SNTG1: variants seen among roughly 807,000 people sequenced by gnomAD.
SNTG1 encodes syntrophin gamma 1, also known as gamma-1-syntrophin.
In SNTG1, 39 loss-of-function variants were observed where a neutral mutation model predicts 74.7. The ratio of observed to expected loss-of-function variants is 0.52; its 90% confidence interval spans 0.40 to 0.68. The LOEUF (loss-of-function observed/expected upper bound fraction) is 0.68. SNTG1 is among the 30% of genes least tolerant of loss of function. The pLI, the probability that SNTG1 is intolerant of heterozygous loss-of-function variation, is 0.00. For synonymous variants in SNTG1, 254 were observed against 217.1 expected (o/e 1.17, Z -1.49); for missense variants, 685 against 609.5 (o/e 1.12, Z -1.30).
chr8:50,544,248 A>ATT (rs1339550999), intron 11 of SNTG1, among the ~76,000 whole-genome samples: 2 of 152,090 alleles, frequency 1.3e-5, no homozygotes, highest in Non-Finnish European at 2.9e-5. Flanking sequence ...GTTTAACACA[A>ATT]TTTATATCAA....
chr8:49,967,328 G>A (rs1193626391), intron 1 of SNTG1, among the ~76,000 whole-genome samples: 1 of 152,128 alleles, frequency 6.6e-6, no homozygotes, highest in Admixed American at 6.6e-5. Context: ...CTGTTCTCAG[G>A]ATGGTGTTTT....
At chr8:50,279,755 T>C (rs1022286548) in intron 2 of SNTG1, among the ~76,000 whole-genome samples, 3 of 151,376 alleles carry the variant, frequency 2.0e-5, no homozygotes, top group South Asian at 2.1e-4. Flanking sequence ...ACTTTGACTT[T>C]GGGATTAAGT....
chr8:50,005,474 A>AG lies in SNTG1; in HGVS notation c.-103+93243_-103+93244insG, dbSNP rs1447483847. On this transcript the variant is annotated intron_variant, in intron 1 of 18. Coordinates refer to ENST00000642720, the MANE Select transcript of SNTG1 (RefSeq NM_018967.5). ...GACATAGTCTACAGGTATTACTGCA[A>AG]AAAAAAAATAATTGATCATTTAGTT... is the stretch of plus-strand genomic sequence containing the variant. Among the ~76,000 whole-genome samples the AG allele has an allele frequency of 2.4e-3, 369 of 151,476 alleles. 4 individuals are homozygous for AG. The highest frequency in any genetic ancestry group is 4.4e-3 in the Non-Finnish European group (300 of 67,774).
intron 1 of SNTG1, among the ~76,000 whole-genome samples, chr8:49,976,181 T>C (rs1563420326): frequency 6.6e-6 from 1 of 152,192 alleles, no homozygotes; most frequent in Non-Finnish European, 1.5e-5. Flanking sequence ...ATATCTTCTT[T>C]GAGAAAAGCA....
chr8:50,006,342 G>C (rs1256573633), intron 1 of SNTG1, among the ~76,000 whole-genome samples: 1 of 152,122 alleles, frequency 6.6e-6, no homozygotes, highest in African/African-American at 2.4e-5. Flanking sequence ...TGAAATTGCT[G>C]TTGAAACTTT....
At chr8:50,189,166 C>T (rs745971714) in intron 2 of SNTG1, among the ~76,000 whole-genome samples, 31 of 152,034 alleles carry the variant, frequency 2.0e-4, no homozygotes, top group African/African-American at 6.5e-4. Context: ...GCCACTGGGC[C>T]GTGGAAACTT....
chr8:50,388,267 C>T (rs1200853155), intron 2 of SNTG1, among the ~76,000 whole-genome samples: 1 of 152,156 alleles, frequency 6.6e-6, no homozygotes, highest in Non-Finnish European at 1.5e-5. Context: ...TTATTGCACT[C>T]ATTATTTGAC....
intron 18 of SNTG1, among the ~76,000 whole-genome samples, chr8:50,786,056 T>A (rs2095674206): frequency 6.6e-6 from 1 of 151,968 alleles, no homozygotes; most frequent in Admixed American, 6.6e-5. Context: ...CCTCCCCACT[T>A]TCATCAACCT....
At chr8:50,316,394 G>A (rs76076139) in intron 2 of SNTG1, among the ~76,000 whole-genome samples, 10,543 of 152,152 alleles carry the variant, frequency 0.069, 409 homozygotes, top group African/African-American at 0.085. Context: ...TTTAGAACAC[G>A]TCTGTCGGAA....
intron 2 of SNTG1, among the ~76,000 whole-genome samples, chr8:50,374,832 T>C (rs2092343481): frequency 6.6e-6 from 1 of 152,244 alleles, no homozygotes; most frequent in Non-Finnish European, 1.5e-5. Flanking sequence ...TTTGATCCTT[T>C]TTTTTAGATC....
intron 4 of SNTG1, among the ~76,000 whole-genome samples, chr8:50,420,799 G>T (rs2093072072): frequency 7.2e-6 from 1 of 138,592 alleles, no homozygotes; most frequent in Non-Finnish European, 1.7e-5. Context: ...GGCTGAGGCG[G>T]GTGGATCATG....
intron 18 of SNTG1, among the ~76,000 whole-genome samples, chr8:50,783,992 G>A (rs957258454): frequency 3.9e-5 from 6 of 152,276 alleles, no homozygotes; most frequent in African/African-American, 9.6e-5. Flanking sequence ...CTTTATCAAA[G>A]TAAGGGAGAA....
chr8:50,231,997 A>G (rs556745794), intron 2 of SNTG1, among the ~76,000 whole-genome samples: 2 of 151,414 alleles, frequency 1.3e-5, no homozygotes, highest in African/African-American at 4.8e-5. Context: ...ACTATAATTT[A>G]TCAAAATATT....
At chr8:50,130,613 A>G (rs992551265) in intron 1 of SNTG1, among the ~76,000 whole-genome samples, 9 of 152,030 alleles carry the variant, frequency 5.9e-5, no homozygotes, top group African/African-American at 2.2e-4. Context: ...ACTTATAAAA[A>G]TTAGAAAGAA....
chr8:50,052,452 A>C (rs1007364143), intron 1 of SNTG1, among the ~76,000 whole-genome samples: 1 of 152,112 alleles, frequency 6.6e-6, no homozygotes, highest in Non-Finnish European at 1.5e-5. Flanking sequence ...TAAATGGAAG[A>C]GCTAAAATTA....
intron 2 of SNTG1, among the ~76,000 whole-genome samples, chr8:50,263,701 C>T (rs748476025): frequency 1.3e-5 from 2 of 152,158 alleles, no homozygotes; most frequent in Admixed American, 6.5e-5. Flanking sequence ...ACAGAGGAAA[C>T]ACATAAAGTG....
intron 1 of SNTG1, among the ~76,000 whole-genome samples, chr8:49,967,036 T>C (rs1811205610): frequency 6.6e-6 from 1 of 152,190 alleles, no homozygotes; most frequent in South Asian, 2.1e-4. Flanking sequence ...GAGAGCACTC[T>C]ATTAGAAAAA....
chr8:50,726,696 A>G (rs1327432129), intron 17 of SNTG1, among the ~76,000 whole-genome samples: 7 of 152,142 alleles, frequency 4.6e-5, no homozygotes, highest in Admixed American at 1.3e-4. Flanking sequence ...AAAAATACAA[A>G]AAATTAGCAG....
chr8:50,368,439 C>T (rs1181884964), intron 2 of SNTG1, among the ~76,000 whole-genome samples: 1 of 152,102 alleles, frequency 6.6e-6, no homozygotes, highest in Non-Finnish European at 1.5e-5. Context: ...AATTTCTCAG[C>T]TTATCTATAA....
Sources: allele counts gnomAD v4.1 joint callset (sites outside exome capture counted in the v4.1 genomes callset), GRCh38; gene constraint gnomAD v4.1.1; transcripts MANE v1.5; gene names NCBI Gene and HGNC (gene_info 2026-07-23, HGNC 2026-07-21).